The following ATP2B2 variants were observed in gnomAD, a reference collection of about 807,000 sequenced individuals.
ATP2B2 encodes the protein plasma membrane calcium-transporting ATPase 2.
In ATP2B2, 15 loss-of-function variants were observed where a neutral mutation model predicts 120.0. The observed-to-expected ratio is 0.12, with a 90% CI of 0.08 to 0.19. The LOEUF (loss-of-function observed/expected upper bound fraction) is 0.19. Ranked by LOEUF, ATP2B2 falls within the 10% of genes least tolerant of loss-of-function variation. The probability of loss-of-function intolerance (pLI) is 1.00; values close to 1 mark genes in which losing one functional copy is unlikely to be tolerated. For missense variants in ATP2B2, 1,045 were observed against 1,719.8 expected (o/e 0.61, Z 6.94); for synonymous variants, 694 against 700.3 (o/e 0.99, Z 0.14).
chr3:10,476,517 T>A (rs1208294583), intron 1 of ATP2B2, among the ~76,000 whole-genome samples: 1 of 152,226 alleles, frequency 6.6e-6, no homozygotes, highest in Non-Finnish European at 1.5e-5. Context: ...TGGGGCCCCA[T>A]GCTTGGAGAC....
At chr3:10,643,065 C>CACAACA (rs369120862) in intron 1 of ATP2B2, among the ~76,000 whole-genome samples, 3,299 of 151,900 alleles carry the variant, frequency 0.022, 61 homozygotes, top group South Asian at 0.082. Context: ...TACGCACTCA[C>CACAACA]ACAACAACAA....
intron 2 of ATP2B2, among the ~76,000 whole-genome samples, chr3:10,600,360 C>A (rs1464579824): frequency 2.0e-5 from 3 of 152,158 alleles, no homozygotes; most frequent in Non-Finnish European, 1.5e-5. Context: ...GGCTCTGTGC[C>A]CGCCCCTTGC....
chr3:10,393,243 G>A (rs949369378), intron 5 of ATP2B2, among the ~76,000 whole-genome samples: 7 of 152,318 alleles, frequency 4.6e-5, no homozygotes, highest in African/African-American at 1.7e-4. Context: ...CCAGTGTGAT[G>A]GTAGCGGGCG....
intron 3 of ATP2B2, among the ~76,000 whole-genome samples, chr3:10,532,988 A>G (rs4501094): frequency 0.25 from 38,497 of 152,170 alleles, 5,419 homozygotes; most frequent in East Asian, 0.52. Context: ...ATGAGATGGC[A>G]ACTCTAAGCT....
Position 10,378,726 on chromosome 3 carries a change from C to T in ATP2B2, c.1043-316G>A, listed in dbSNP as rs552760232. Among the ~76,000 whole-genome samples, 23 of 152,370 alleles carry T rather than the reference C, an allele frequency of 1.5e-4. No individual in the cohort carries two copies. The South Asian group carries it at 4.8e-3, about 32-fold the overall frequency. On this transcript the variant is annotated intron_variant, in intron 9 of 22. Transcript: ENST00000360273. The stretch of plus-strand genomic sequence containing the variant: ...GTCCTACCCTAGGTGGTCCCTTGTC[C>T]TTTCCCACATTCAGACAAGACAGAC...
intron 2 of ATP2B2, among the ~76,000 whole-genome samples, chr3:10,433,370 C>A (rs1437627354): frequency 2.6e-5 from 4 of 152,152 alleles, no homozygotes; most frequent in African/African-American, 9.7e-5. Context: ...CAGCTGACAG[C>A]TCTAGGCTCT....
intron 1 of ATP2B2, among the ~76,000 whole-genome samples, chr3:10,500,932 T>A (rs527812660): frequency 6.6e-6 from 1 of 152,166 alleles, no homozygotes; most frequent in Non-Finnish European, 1.5e-5. Flanking sequence ...CCAAGGACAC[T>A]GGGGGGCAGG....
intron 3 of ATP2B2, among the ~76,000 whole-genome samples, chr3:10,512,761 C>A (rs1267194988): frequency 1.3e-5 from 2 of 152,304 alleles, no homozygotes; most frequent in East Asian, 3.9e-4. Flanking sequence ...TCCAGCCCCA[C>A]CCTCTGGGAC....
chr3:10,423,693 C>A (rs1039011231), intron 2 of ATP2B2, among the ~76,000 whole-genome samples: 1 of 152,172 alleles, frequency 6.6e-6, no homozygotes, highest in Non-Finnish European at 1.5e-5. Context: ...CAGGTGGGGA[C>A]GCTTTGCAGA....
chr3:10,362,666 G>A (rs562575653), intron 12 of ATP2B2, among the ~76,000 whole-genome samples: 35 of 152,156 alleles, frequency 2.3e-4, no homozygotes, highest in African/African-American at 8.0e-4. Flanking sequence ...CACCTCCCCG[G>A]CTCCCATGGC....
chr3:10,669,718 G>A (rs754366627), intron 1 of ATP2B2, among the ~76,000 whole-genome samples: 3 of 152,100 alleles, frequency 2.0e-5, no homozygotes, highest in Admixed American at 6.6e-5. Context: ...GGTTTGCATC[G>A]CCTCTGAGCC....
Position 10,385,268 on chromosome 3 carries a change from C to A in ATP2B2, c.1000G>T (p.Gly334Cys), listed in dbSNP as rs2061641423. ...ADSANASLVN[G>C]KMQDGNVDAS... is the part of the protein sequence containing the mutation. ...CAGGAGCTCGCCGTGGGAGACATAC[C>A]ATTGACTAGGCTGGCATTCGCACTA... is the stretch of plus-strand genomic sequence containing the variant. The change falls in exon 8 of 23, where the codon GGT becomes TGT. Residue 334 changes from glycine (G) to cysteine (C), a missense_variant and splice_region_variant. Physicochemically the swap from Gly to Cys is radical, Grantham distance 159 (BLOSUM62 -3). This residue lies in a region of ATP2B2 where 145 missense variants were observed against 202.0 expected (regional missense o/e 0.72). Coordinates refer to ENST00000360273, the MANE Select transcript of ATP2B2 (RefSeq NM_001001331.4). The A allele has an allele frequency of 6.2e-7, 1 of 1,613,334 alleles. No homozygotes were observed. The highest frequency in any genetic ancestry group is 8.5e-7 in the Non-Finnish European group (1 of 1,179,828).
chr3:10,537,121 A>G (rs2067335177), intron 2 of ATP2B2, among the ~76,000 whole-genome samples: 1 of 152,198 alleles, frequency 6.6e-6, no homozygotes, highest in Non-Finnish European at 1.5e-5. Flanking sequence ...CTCTGTCAAT[A>G]CTACTGTCAT....
intron 2 of ATP2B2, among the ~76,000 whole-genome samples, chr3:10,618,784 G>A (rs1447598585): frequency 6.6e-6 from 1 of 152,132 alleles, no homozygotes; most frequent in Non-Finnish European, 1.5e-5. Flanking sequence ...AGAAACATGT[G>A]CTTATTACAT....
chr3:10,340,895 GC>G lies in ATP2B2; in HGVS notation c.2918-192del, dbSNP rs2060256077. ...AGACTAGGACTGAAGGGTCAGCAAA[GC>G]CCTTTCTCCTCTGGGGAAGAAAGGC... On this transcript the variant is annotated intron_variant, in intron 19 of 22. Coordinates refer to ENST00000360273, the MANE Select transcript of ATP2B2 (RefSeq NM_001001331.4). The surrounding 1 kb of genome is among the most constrained non-coding windows in gnomAD (Gnocchi z 5.0). Among the ~76,000 whole-genome samples the G allele has an allele frequency of 6.6e-6, 1 of 152,136 alleles. No individual in the cohort carries two copies. Among genetic ancestry groups the G allele is most frequent in the Non-Finnish European group, 1.5e-5 (1 of 68,026 alleles).
At position 10,359,896 on chromosome 3, in the gene ATP2B2, C is replaced by T. The variant is rs1172229587; in HGVS notation, c.1887G>A (p.Glu629=). ...CCAGCGCTTACTTCTTGAGCACGAT[C>T]TCAGAAGCCCCCTTGCTGTACATGC... ...SFRMYSKGAS[E]IVLKKCCKIL... Residue 629 remains glutamate, a synonymous_variant, in exon 13 of 23, where the codon GAG becomes GAA. Coordinates refer to ENST00000360273, the MANE Select transcript of ATP2B2 (RefSeq NM_001001331.4). 6.2e-7 allele frequency: 1 copy of T among 1,614,276 alleles called. No homozygotes were observed. The highest frequency in any genetic ancestry group is 1.1e-5 in the South Asian group (1 of 91,092).
chr3:10,376,469 A>G (rs2061383676), intron 10 of ATP2B2, among the ~76,000 whole-genome samples: 3 of 152,170 alleles, frequency 2.0e-5, no homozygotes, highest in Admixed American at 1.3e-4. Context: ...AGATAGGGGA[A>G]GTGACTTGCT....
chr3:10,702,313 C>T (rs186183653), intron 1 of ATP2B2, among the ~76,000 whole-genome samples: 1 of 152,340 alleles, frequency 6.6e-6, no homozygotes, highest in Non-Finnish European at 1.5e-5. Flanking sequence ...GATAGTAACA[C>T]TAATAGCTGA....
rs241509 is a variant in ATP2B2, at chr3:10,345,375, C to T, written c.2703+9G>A. Reference sequence around the variant, plus strand: ...CCCCAGGCTTTGGTGTGGTCTCCTGCGGACCCACCTGCGTGATGCAGGCGC... The same window carrying T: ...CCCCAGGCTTTGGTGTGGTCTCCTGTGGACCCACCTGCGTGATGCAGGCGC... On this transcript the variant is annotated intron_variant, in intron 18 of 22. Coordinates refer to ENST00000360273, the MANE Select transcript of ATP2B2 (RefSeq NM_001001331.4). 15 of 1,613,776 alleles carry T rather than the reference C, an allele frequency of 9.3e-6. No individual in the cohort carries two copies. The East Asian group carries it at 2.5e-4, about 26-fold the overall frequency.
Sources: gnomAD v4.1 joint callset for allele counts (sites outside exome capture counted in the v4.1 genomes callset) on GRCh38, gnomAD v4.1.1 for gene constraint, gnomAD v4.1.1 regional missense constraint, Gnocchi (gnomAD v3.1) non-coding constraint, MANE v1.5 for transcripts, NCBI Gene and HGNC (gene_info 2026-07-23, HGNC 2026-07-21) for gene names.